MCU: variants seen among roughly 807,000 people sequenced by gnomAD.
The protein encoded by MCU is calcium uniporter protein, mitochondrial.
In MCU, 12 loss-of-function variants were observed where a neutral mutation model predicts 45.2. The observed-to-expected ratio is 0.27, with a 90% CI of 0.17 to 0.43. The LOEUF (loss-of-function observed/expected upper bound fraction) is 0.43. MCU is among the 20% of genes least tolerant of loss of function. The pLI is 1.00. For missense variants in MCU, 324 were observed against 436.7 expected, an observed-to-expected ratio of 0.74 and a Z score of 2.30; for synonymous variants, 160 against 165.1, an observed-to-expected ratio of 0.97 and a Z score of 0.24.
chr10:72,806,827 A>G (rs1376159490), intron 1 of MCU, among the ~76,000 whole-genome samples: 2 of 152,232 alleles, frequency 1.3e-5, no homozygotes, highest in Non-Finnish European at 2.9e-5. Flanking sequence ...AAAAGAATCT[A>G]TGGAAGGAAT....
At chr10:72,764,797 A>C (rs577299499) in intron 1 of MCU, among the ~76,000 whole-genome samples, 1 of 152,276 alleles carries the variant, frequency 6.6e-6, no homozygotes, top group South Asian at 2.1e-4. Context: ...TGGCTATATT[A>C]AGAGAATAGG....
chr10:72,793,970 A>G (rs1844206398), intron 1 of MCU, among the ~76,000 whole-genome samples: 2 of 152,170 alleles, frequency 1.3e-5, no homozygotes, highest in South Asian at 4.1e-4. Context: ...GAAAACATTC[A>G]CATCCCTCAC....
In MCU at chr10:72,876,376, G is replaced by A. The variant is rs117585254; in HGVS notation, c.861+4796G>A. ...TCCTTTTCTATCCAATTTAAACTGT[G>A]TTGCCATTCTCTTCTTAGTATGCTA... is the stretch of plus-strand genomic sequence containing the variant. On this transcript the variant is annotated intron_variant, in intron 6 of 7. Transcript: ENST00000373053. 7.9e-5 allele frequency among the ~76,000 whole-genome samples: 12 copies of A among 152,090 alleles called. No individual in the cohort carries two copies. The East Asian group carries it at 2.3e-3, about 29-fold the overall frequency.
intron 1 of MCU, among the ~76,000 whole-genome samples, chr10:72,779,220 G>A (rs944471596): frequency 1.3e-4 from 20 of 152,032 alleles, no homozygotes; most frequent in Non-Finnish European, 2.2e-4. Flanking sequence ...CCCCCACCTC[G>A]GCTTCCCAAA....
intron 2 of MCU, among the ~76,000 whole-genome samples, chr10:72,845,723 A>G (rs893247349): frequency 3.3e-5 from 5 of 152,208 alleles, no homozygotes; most frequent in Non-Finnish European, 7.3e-5. Flanking sequence ...CTAATGATGC[A>G]TTTCTCAGAA....
At chr10:72,829,587 T>C (rs527765738) in intron 1 of MCU, among the ~76,000 whole-genome samples, 48 of 149,704 alleles carry the variant, frequency 3.2e-4, no homozygotes, top group Non-Finnish European at 5.4e-4. Context: ...AAATATTTAT[T>C]AAAAGCTTCC....
intron 1 of MCU, among the ~76,000 whole-genome samples, chr10:72,723,789 T>A (rs1433836006): frequency 6.6e-6 from 1 of 152,212 alleles, no homozygotes; most frequent in African/African-American, 2.4e-5. Flanking sequence ...AAGGTAAACA[T>A]TCTTTCCTCG....
At chr10:72,796,778 T>C (rs896666430) in intron 1 of MCU, among the ~76,000 whole-genome samples, 5 of 150,306 alleles carry the variant, frequency 3.3e-5, no homozygotes, top group Non-Finnish European at 7.4e-5. Flanking sequence ...CCTTCCTGCC[T>C]CAGCCTCCTA....
intron 6 of MCU, among the ~76,000 whole-genome samples, chr10:72,872,387 T>C (rs1043654359): frequency 6.6e-6 from 1 of 152,170 alleles, no homozygotes; most frequent in Non-Finnish European, 1.5e-5. Context: ...TAACTAACTT[T>C]TCCCTATCCC....
At chr10:72,699,282 G>A (rs992220022) in intron 1 of MCU, among the ~76,000 whole-genome samples, 7 of 152,072 alleles carry the variant, frequency 4.6e-5, no homozygotes, top group African/African-American at 1.4e-4. Flanking sequence ...CGAGGCGGGC[G>A]GATCATGAGG....
intron 1 of MCU, among the ~76,000 whole-genome samples, chr10:72,707,861 T>TG (rs1318865935): frequency 2.0e-5 from 3 of 152,034 alleles, no homozygotes; most frequent in African/African-American, 4.8e-5. Flanking sequence ...TTTTCTGAGG[T>TG]GGGGGTCTCA....
At chr10:72,759,922 A>G (rs912061661) in intron 1 of MCU, among the ~76,000 whole-genome samples, 1 of 152,316 alleles carries the variant, frequency 6.6e-6, no homozygotes, top group East Asian at 1.9e-4. Flanking sequence ...TGGAGCTTCT[A>G]GCCTCTAGAA....
chr10:72,716,606 G>C (rs540547413), intron 1 of MCU, among the ~76,000 whole-genome samples: 34 of 152,026 alleles, frequency 2.2e-4, no homozygotes, highest in Non-Finnish European at 4.6e-4. Context: ...TTTATAGGCT[G>C]GGCGTGGTAG....
At chr10:72,770,916 T>C (rs955169516) in intron 1 of MCU, among the ~76,000 whole-genome samples, 2 of 152,196 alleles carry the variant, frequency 1.3e-5, no homozygotes, top group African/African-American at 4.8e-5. Flanking sequence ...TTTTCCTTTG[T>C]ATTTGAATTA....
At chr10:72,826,607 A>C (rs1844802252) in intron 1 of MCU, among the ~76,000 whole-genome samples, 1 of 152,220 alleles carries the variant, frequency 6.6e-6, no homozygotes, top group African/African-American at 2.4e-5. Flanking sequence ...ACTGTCTATC[A>C]AAAAGGGCAG....
intron 1 of MCU, among the ~76,000 whole-genome samples, chr10:72,727,209 G>A (rs930271881): frequency 3.9e-5 from 6 of 152,164 alleles, no homozygotes; most frequent in African/African-American, 9.7e-5. Context: ...TGTAGAGAAC[G>A]TGTGGGTAGC....
At position 72,885,726 on chromosome 10, in the gene MCU, C is replaced by A; in HGVS notation, c.979-19C>A. The stretch of plus-strand genomic sequence containing the variant: ...AAAGCTTCACTAGCCAGTTTTCTCA[C>A]CTTTTGTTTCTATTTTAGGCAGAAA... On this transcript the variant is annotated intron_variant, in intron 7 of 7. Transcript: ENST00000373053. 1 of 1,581,762 alleles carries A rather than the reference C, an allele frequency of 6.3e-7. No homozygotes were observed. Among genetic ancestry groups the A allele is most frequent in the East Asian group, 2.2e-5 (1 of 44,678 alleles).
intron 1 of MCU, among the ~76,000 whole-genome samples, chr10:72,717,129 T>C (rs796349939): frequency 7.1e-4 from 18 of 25,224 alleles, no homozygotes; most frequent in East Asian, 1.7e-3. Flanking sequence ...CTCTCTCTCT[T>C]TTTTTTTTTT....
intron 6 of MCU, among the ~76,000 whole-genome samples, chr10:72,873,019 T>TG (rs1416254596): frequency 3.7e-5 from 5 of 136,846 alleles, no homozygotes; most frequent in Admixed American, 7.2e-5. Flanking sequence ...TTGGGTTTTT[T>TG]TTTTTTTTTT....
Sources: allele counts gnomAD v4.1 joint callset (sites outside exome capture counted in the v4.1 genomes callset), GRCh38; gene constraint gnomAD v4.1.1; transcripts MANE v1.5; gene names NCBI Gene and HGNC (gene_info 2026-07-23, HGNC 2026-07-21).